The following TTC7B variants were observed in gnomAD, a reference collection of about 807,000 sequenced individuals.
The protein encoded by TTC7B is tetratricopeptide repeat domain 7B.
Under a neutral mutation model 106.8 loss-of-function variants are expected in TTC7B, and 28 were observed. The ratio of observed to expected loss-of-function variants is 0.26; its 90% CI spans 0.19 to 0.36. TTC7B has a LOEUF of 0.36. Among genes scored for constraint, TTC7B ranks in the 10% least tolerant of loss-of-function variants. The pLI is 1.00. For synonymous variants in TTC7B, 405 were observed against 430.6 expected, an observed-to-expected ratio of 0.94 and a Z score of 0.74; for missense variants, 862 against 1,076.4, an observed-to-expected ratio of 0.80 and a Z score of 2.79.
Position 90,539,750 on chromosome 14 carries a change from C to G in TTC7B, c.*1618G>C, listed in dbSNP as rs1889510485. On this transcript the variant is annotated 3_prime_UTR_variant, in exon 20 of 20. Transcript: ENST00000328459. ...CTGCAGATACCTGCTCAGTTTCTCT[C>G]TGGTTCCGGATCTTGCTGTCTACTC... 6.6e-6 allele frequency: 1 copy of G among 152,452 alleles called. No individual in the cohort carries two copies. Among genetic ancestry groups the G allele is most frequent in the African/African-American group, 2.4e-5 (1 of 41,594 alleles). 9.4% of individuals were successfully genotyped at this position (152,452 alleles called of 1,614,324 possible). A position where few individuals can be genotyped will look rare whatever the true frequency, so the allele number is the denominator to read the frequency against.
intron 3 of TTC7B, 117 bp downstream of exon 3, chr14:90,780,621 T>C (rs1891186566): frequency 1.6e-6 from 2 of 1,259,628 alleles, no homozygotes; most frequent in Non-Finnish European, 2.2e-6. Context: ...CCCAGCAGCC[T>C]TGCTGGGAAC....
At chr14:90,601,306 C>T (rs1013850518) in intron 17 of TTC7B, among the ~76,000 whole-genome samples, 5 of 152,174 alleles carry the variant, frequency 3.3e-5, no homozygotes, top group Non-Finnish European at 7.4e-5. Context: ...AGACTAAAAC[C>T]GCCTAATTGA....
At chr14:90,652,686 C>A (rs879800563) in intron 13 of TTC7B, among the ~76,000 whole-genome samples, 155 bp downstream of exon 13, 14 of 152,128 alleles carry the variant, frequency 9.2e-5, no homozygotes, top group Admixed American at 9.2e-4. Context: ...AGTGATACAG[C>A]AGGGTTTGTG....
chr14:90,576,016 G>A (rs1891249737), intron 19 of TTC7B, among the ~76,000 whole-genome samples: 1 of 152,026 alleles, frequency 6.6e-6, no homozygotes, highest in Admixed American at 6.5e-5. Context: ...TGGGTCAACT[G>A]CTTGCTCCTT....
At chr14:90,758,199 C>T (rs1018967153) in intron 3 of TTC7B, among the ~76,000 whole-genome samples, 1 of 151,258 alleles carries the variant, frequency 6.6e-6, no homozygotes, top group Admixed American at 6.6e-5. Context: ...GGAATCAACC[C>T]AAGTACAGGG....
Position 90,663,755 on chromosome 14 carries a change from C to T in TTC7B, c.1153-5368G>A, listed in dbSNP as rs78245418. Among the ~76,000 whole-genome samples the T allele has an allele frequency of 6.8e-3, 1,033 of 152,328 alleles. 7 individuals are homozygous for T. The highest frequency in any genetic ancestry group is 0.017 in the Middle Eastern group (5 of 294). Reference sequence around the variant, plus strand: ...GGTGTCCTAAAGAGAGTTAGGAAATCTGGGTCAATTACAGATTAGCCCTCC... The same window carrying T: ...GGTGTCCTAAAGAGAGTTAGGAAATTTGGGTCAATTACAGATTAGCCCTCC... On this transcript the variant is annotated intron_variant, in intron 9 of 19. Coordinates refer to ENST00000328459, the MANE Select transcript of TTC7B (RefSeq NM_001010854.2). This position sits in a 1 kb window ranked among gnomAD's most constrained non-coding sequence, Gnocchi z 4.5.
intron 17 of TTC7B, among the ~76,000 whole-genome samples, chr14:90,607,874 C>T (rs2139838413): frequency 6.6e-6 from 1 of 152,238 alleles, no homozygotes; most frequent in South Asian, 2.1e-4. Flanking sequence ...GATACATATG[C>T]TTGTTTGCAT....
At chr14:90,771,460 G>A (rs1890861056) in intron 3 of TTC7B, among the ~76,000 whole-genome samples, 2 of 152,074 alleles carry the variant, frequency 1.3e-5, no homozygotes, top group Admixed American at 1.3e-4. Context: ...CAGGTGTGGT[G>A]GCACATGCCT....
intron 16 of TTC7B, among the ~76,000 whole-genome samples, chr14:90,616,083 G>T (rs1893060130): frequency 6.6e-6 from 1 of 152,234 alleles, no homozygotes; most frequent in Admixed American, 6.5e-5. Flanking sequence ...TGCTAAGTGG[G>T]AGGGAATGTG....
chr14:90,780,299 T>C (rs1219128444), intron 3 of TTC7B, among the ~76,000 whole-genome samples: 1 of 151,622 alleles, frequency 6.6e-6, no homozygotes, highest in East Asian at 1.9e-4. Flanking sequence ...GAGAATCACT[T>C]AAACCTGGGA....
chr14:90,557,315 G>C (rs563305427), intron 19 of TTC7B, among the ~76,000 whole-genome samples: 1 of 152,126 alleles, frequency 6.6e-6, no homozygotes, highest in Non-Finnish European at 1.5e-5. Context: ...GAGAAGTCAC[G>C]TGGGGCAGAG....
intron 5 of TTC7B, among the ~76,000 whole-genome samples, chr14:90,720,230 T>C (rs1016623312): frequency 1.3e-5 from 2 of 152,146 alleles, no homozygotes; most frequent in Non-Finnish European, 2.9e-5. Context: ...TTCTGCTCAG[T>C]CACTTCCTCA....
At chr14:90,737,822 G>T (rs1313064712) in intron 4 of TTC7B, among the ~76,000 whole-genome samples, 1 of 152,146 alleles carries the variant, frequency 6.6e-6, no homozygotes, top group African/African-American at 2.4e-5. Context: ...CTCCCAAAGT[G>T]CTAGGATTAT....
At chr14:90,658,979 G>A (rs1418715048) in intron 9 of TTC7B, among the ~76,000 whole-genome samples, 1 of 152,180 alleles carries the variant, frequency 6.6e-6, no homozygotes, top group Non-Finnish European at 1.5e-5. Flanking sequence ...TGGGGGACTG[G>A]GGTGAGTGGG....
intron 5 of TTC7B, among the ~76,000 whole-genome samples, chr14:90,712,410 A>T (rs1888484816): frequency 6.6e-6 from 1 of 152,208 alleles, no homozygotes; most frequent in Non-Finnish European, 1.5e-5. Context: ...TCTATTACAA[A>T]ATTATAAAAA....
At position 90,541,364 on chromosome 14, in the gene TTC7B, C is replaced by A; in HGVS notation, c.*4G>T. 1 of 1,583,640 alleles carries A rather than the reference C, an allele frequency of 6.3e-7. No homozygotes were observed. Among genetic ancestry groups the A allele is most frequent in the South Asian group, 1.1e-5 (1 of 87,248 alleles). On this transcript the variant is annotated 3_prime_UTR_variant, in exon 20 of 20. Coordinates refer to ENST00000328459, the MANE Select transcript of TTC7B (RefSeq NM_001010854.2). ...AGCGGCAGGTGAGGCTGGCAGGCGC[C>A]TGCTCAGAGCACGCGGGGGATGATG...
chr14:90,780,805 G>C lies in TTC7B; in HGVS notation c.378C>G (p.Asp126Glu). 1 of 1,614,268 alleles carries C rather than the reference G, an allele frequency of 6.2e-7. No individual in the cohort carries two copies. Residue 126 changes from aspartate (D) to glutamate (E), a missense_variant, in exon 3 of 20, where the codon GAC becomes GAG. Transcript: ENST00000328459. Reference sequence around the variant, plus strand: ...GCGGGACAGCTGTCAGTGGCAGATCGTCCAGGCCCACCCGGGCGTAAATGT... The same window carrying C: ...GCGGGACAGCTGTCAGTGGCAGATCCTCCAGGCCCACCCGGGCGTAAATGT... The part of the protein sequence containing the change: ...ALNIYARVGL[D>E]DLPLTAVPPY...
At chr14:90,672,509 G>A (rs375325975) in intron 9 of TTC7B, among the ~76,000 whole-genome samples, 6 of 152,152 alleles carry the variant, frequency 3.9e-5, no homozygotes, top group South Asian at 2.1e-4. Context: ...TCACAGCTCC[G>A]CAAGCTTAAG....
chr14:90,753,038 T>G lies in TTC7B; in HGVS notation c.446-8116A>C, dbSNP rs530721871. Among the ~76,000 whole-genome samples the G allele has an allele frequency of 6.6e-5, 10 of 152,376 alleles. No individual in the cohort carries two copies. In the South Asian group the frequency reaches 8.3e-4, roughly 13 times the overall value. On this transcript the variant is annotated intron_variant, in intron 3 of 19. Transcript: ENST00000328459. The stretch of plus-strand genomic sequence containing the variant: ...GAGTTGAACTACTGAGATACTGCCT[T>G]GAGCTGTACAAGTCTAAGAGACTAA...
Sources: allele counts gnomAD v4.1 joint callset (sites outside exome capture counted in the v4.1 genomes callset), GRCh38; gene constraint gnomAD v4.1.1; non-coding constraint Gnocchi (gnomAD v3.1); transcripts MANE v1.5; gene names NCBI Gene and HGNC (gene_info 2026-07-23, HGNC 2026-07-21).